Variants in MAPKAPK5 observed in about 807,000 individuals in gnomAD.
The protein encoded by MAPKAPK5 is MAP kinase-activated protein kinase 5.
In MAPKAPK5, 30 loss-of-function variants were observed where a neutral mutation model predicts 65.1. The observed-to-expected ratio is 0.46, with a 90% CI of 0.34 to 0.63. The LOEUF is 0.63. MAPKAPK5 is among the 20% of genes least tolerant of loss of function. MAPKAPK5 has a pLI of 0.01. For missense variants in MAPKAPK5, 433 were observed against 581.4 expected (o/e 0.74, Z 2.63); for synonymous variants, 179 against 204.6 (o/e 0.87, Z 1.07).
At chr12:111,863,528 A>G (rs2069510041) in intron 1 of MAPKAPK5, among the ~76,000 whole-genome samples, 1 of 152,024 alleles carries the variant, frequency 6.6e-6, no homozygotes, top group Non-Finnish European at 1.5e-5. Context: ...CCTGTATACT[A>G]GCGAGCGGGA....
intron 10 of MAPKAPK5, 161 bp from the exon 11 acceptor site, chr12:111,888,327 T>G: frequency 1.1e-6 from 1 of 944,124 alleles, no homozygotes; most frequent in Non-Finnish European, 1.5e-6. Flanking sequence ...TGTTGATCCA[T>G]GGGGAAAAGT....
chr12:111,862,784 A>G (rs570178989), intron 1 of MAPKAPK5, among the ~76,000 whole-genome samples: 1 of 152,314 alleles, frequency 6.6e-6, no homozygotes. Context: ...ATTATAATGA[A>G]TAGTTCAGTA....
In MAPKAPK5 at chr12:111,898,539, A is replaced by G. The variant is rs1254894873; in HGVS notation, c.*5478A>G. On this transcript the variant is annotated 3_prime_UTR_variant, in exon 14 of 14. Coordinates refer to ENST00000550735, the MANE Select transcript of MAPKAPK5 (RefSeq NM_003668.4). The stretch of plus-strand genomic sequence containing the variant: ...TGATCCTGATCCTTTATATACTCCC[A>G]TGGTGAAACTTGAGCCCATTTTACT... 1.3e-5 allele frequency: 2 copies of G among 152,178 alleles called. No individual in the cohort carries two copies. The highest frequency in any genetic ancestry group is 2.9e-5 in the Non-Finnish European group (2 of 68,036). 9.4% of individuals were successfully genotyped at this position (152,178 alleles called of 1,614,324 possible). A position where few individuals can be genotyped will look rare whatever the true frequency, so the allele number is the denominator to read the frequency against.
At chr12:111,848,822 G>A (rs984649922) in intron 1 of MAPKAPK5, among the ~76,000 whole-genome samples, 1 of 150,466 alleles carries the variant, frequency 6.6e-6, no homozygotes, top group Non-Finnish European at 1.5e-5. Flanking sequence ...CTCTTCCTCC[G>A]GGGTTCAAGC....
chr12:111,892,216 T>C (rs1161608766), intron 13 of MAPKAPK5, among the ~76,000 whole-genome samples: 1 of 152,242 alleles, frequency 6.6e-6, no homozygotes, highest in Non-Finnish European at 1.5e-5. Context: ...GACTTTAGGA[T>C]TATTTCCAGA....
At chr12:111,843,122 G>A (rs2068781218) in intron 1 of MAPKAPK5, 4 of 398,502 alleles carry the variant, frequency 1.0e-5, no homozygotes, top group Non-Finnish European at 1.8e-5. Flanking sequence ...ATTTGCTTCC[G>A]GATGGTCTAC....
intron 1 of MAPKAPK5, among the ~76,000 whole-genome samples, chr12:111,854,534 C>T (rs189590554): frequency 2.0e-4 from 31 of 152,228 alleles, no homozygotes; most frequent in Admixed American, 6.5e-4. Flanking sequence ...CCACCGTGCT[C>T]GGCCAGTAAT....
rs1303363142 is a variant in MAPKAPK5 at position 111,901,066 on chromosome 12, CA to C, written c.*8010del. 8.8e-6 allele frequency: 4 copies of C among 455,948 alleles called. No homozygotes were observed. The highest frequency in any genetic ancestry group is 6.2e-5 in the South Asian group (4 of 64,554). The allele number at this position is 455,948 out of a possible 1,614,324, so 28.2% of individuals were successfully genotyped here. On this transcript the variant is annotated 3_prime_UTR_variant, in exon 14 of 14. Transcript: ENST00000550735. ...ATATGTTCAGGTATTACAGGCTTAC[CA>C]AAAATCAATCTCCAACATACAATGA... is the stretch of plus-strand genomic sequence containing the variant.
intron 8 of MAPKAPK5, among the ~76,000 whole-genome samples, chr12:111,881,078 T>G (rs1033465704): frequency 2.0e-5 from 3 of 151,940 alleles, no homozygotes; most frequent in African/African-American, 7.3e-5. Context: ...CCACATTTTT[T>G]TTGTTGTTTT....
At chr12:111,885,692 C>G (rs2070377028) in intron 9 of MAPKAPK5, 2 of 507,870 alleles carry the variant, frequency 3.9e-6, no homozygotes, top group Non-Finnish European at 7.0e-6. Flanking sequence ...AAGCCCTTTT[C>G]TACCATTTTA....
intron 1 of MAPKAPK5, among the ~76,000 whole-genome samples, chr12:111,855,660 C>G (rs2069209398): frequency 6.6e-6 from 1 of 151,794 alleles, no homozygotes; most frequent in Admixed American, 6.6e-5. Context: ...ACCCCCATCT[C>G]TACTAAAATT....
rs563556512 is a variant in MAPKAPK5 at position 111,880,642 on chromosome 12, C to T, written c.660+115C>T. The T allele has an allele frequency of 2.1e-5, 18 of 841,556 alleles. No homozygotes were observed. In the African/African-American group the frequency reaches 2.5e-4, roughly 12 times the overall value. The allele number at this position is 841,556 out of a possible 1,614,324, so 52.1% of individuals were successfully genotyped here. ...CCTTTCTCACCCCTTAATATTCCTGCCCCAAAGAAGCAGCCAGACTCGCAG... is the reference window on the plus strand; with the variant it reads ...CCTTTCTCACCCCTTAATATTCCTGTCCCAAAGAAGCAGCCAGACTCGCAG... On this transcript the variant is annotated intron_variant, in intron 8 of 13. Transcript: ENST00000550735.
rs1206975565 is a variant in MAPKAPK5, at chr12:111,901,474, TATC to T, written c.*8416_*8418del. 19 of 451,670 alleles carry T rather than the reference TATC, an allele frequency of 4.2e-5. No individual in the cohort carries two copies. The East Asian group carries it at 1.2e-3, about 28-fold the overall frequency. The allele number at this position is 451,670 out of a possible 1,614,324, so 28.0% of individuals were successfully genotyped here. On this transcript the variant is annotated 3_prime_UTR_variant, in exon 14 of 14. Coordinates refer to ENST00000550735, the MANE Select transcript of MAPKAPK5 (RefSeq NM_003668.4). ...GAACATGCTGTAGACATGATGATAT[TATC>T]ATTCATTATACTTTTTATAATATTA...
At position 111,893,115 on chromosome 12, in the gene MAPKAPK5, ATAAAG is replaced by A. The variant is rs758087597; in HGVS notation, c.*58_*62del. 8.8e-5 allele frequency: 110 copies of A among 1,246,044 alleles called. 1 individual carries two copies. Among genetic ancestry groups the A allele is most frequent in the Non-Finnish European group, 1.2e-4 (108 of 894,946 alleles). 77.2% of individuals were successfully genotyped at this position (1,246,044 alleles called of 1,614,324 possible). On this transcript the variant is annotated 3_prime_UTR_variant, in exon 14 of 14. Coordinates refer to ENST00000550735, the MANE Select transcript of MAPKAPK5 (RefSeq NM_003668.4). ...AATTTGAAAAATTATTCTTTAATGT[ATAAAG>A]TAATTTTATGTAAATTAATAAATCA...
rs2071062223 is a variant in MAPKAPK5 at position 111,901,568 on chromosome 12, C to CCTCCAGCAGTGG, written c.*8513_*8524dup. ...ACCAGAGGCTGCCCCGGCAGAAGCT[C>CCTCCAGCAGTGG]CTCCAGCAGTGGCTCCACCACCGGC... On this transcript the variant is annotated 3_prime_UTR_variant, in exon 14 of 14. Coordinates refer to ENST00000550735, the MANE Select transcript of MAPKAPK5 (RefSeq NM_003668.4). 1 of 327,276 alleles carries CCTCCAGCAGTGG rather than the reference C, an allele frequency of 3.1e-6. No individual in the cohort carries two copies. The highest frequency in any genetic ancestry group is 2.7e-5 in the South Asian group (1 of 37,602). The allele number at this position is 327,276 out of a possible 1,614,324, so 20.3% of individuals were successfully genotyped here. A position where few individuals can be genotyped will look rare whatever the true frequency, so the allele number is the denominator to read the frequency against.
In MAPKAPK5 at chr12:111,900,932, C is replaced by G. The variant is rs567720675; in HGVS notation, c.*7871C>G. On this transcript the variant is annotated 3_prime_UTR_variant, in exon 14 of 14. Coordinates refer to ENST00000550735, the MANE Select transcript of MAPKAPK5 (RefSeq NM_003668.4). ...CAAAATCAGCCTCACAAGAGTGTTA[C>G]AATTCAATGAACAGCAAAGGGGACC... 22 of 454,766 alleles carry G rather than the reference C, an allele frequency of 4.8e-5. No homozygotes were observed. The highest frequency in any genetic ancestry group is 3.3e-4 in the Admixed American group (14 of 42,450). The allele number at this position is 454,766 out of a possible 1,614,324, so 28.2% of individuals were successfully genotyped here.
intron 1 of MAPKAPK5, among the ~76,000 whole-genome samples, chr12:111,851,424 C>G (rs2069078710): frequency 6.6e-6 from 1 of 152,158 alleles, no homozygotes; most frequent in Non-Finnish European, 1.5e-5. Context: ...CTCCCAGGTT[C>G]AAGCAATTCT....
At chr12:111,859,032 C>G (rs762331128) in intron 1 of MAPKAPK5, among the ~76,000 whole-genome samples, 1 of 147,458 alleles carries the variant, frequency 6.8e-6, no homozygotes, top group Non-Finnish European at 1.5e-5. Context: ...CAACTACTTG[C>G]TCAATCTAGT....
At chr12:111,844,622 A>T (rs1349300847) in intron 1 of MAPKAPK5, among the ~76,000 whole-genome samples, 1 of 152,240 alleles carries the variant, frequency 6.6e-6, no homozygotes, top group African/African-American at 2.4e-5. Context: ...CTAGACACAA[A>T]TGGTACAAGC....
Sources: gnomAD v4.1 joint callset for allele counts (sites outside exome capture counted in the v4.1 genomes callset) on GRCh38, gnomAD v4.1.1 for gene constraint, MANE v1.5 for transcripts, NCBI Gene and HGNC (gene_info 2026-07-23, HGNC 2026-07-21) for gene names.